SENP7: variants seen among roughly 807,000 people sequenced by gnomAD.
SENP7 encodes the protein sentrin-specific protease 7.
In SENP7, 64 loss-of-function variants were observed where a neutral mutation model predicts 141.2. The ratio of observed to expected loss-of-function variants is 0.45; its 90% CI spans 0.37 to 0.56. The LOEUF (loss-of-function observed/expected upper bound fraction) is 0.56, where lower values mean the gene tolerates loss of function less well. Ranked by LOEUF, SENP7 falls within the 20% of genes least tolerant of loss-of-function variation. SENP7 has a pLI of 0.00. For synonymous variants in SENP7, 382 were observed against 426.4 expected, an observed-to-expected ratio of 0.90 and a Z score of 1.28; for missense variants, 1,025 against 1,212.2, an observed-to-expected ratio of 0.85 and a Z score of 2.29.
intron 6 of SENP7, among the ~76,000 whole-genome samples, chr3:101,376,632 T>C (rs1449261179): frequency 8.8e-5 from 13 of 147,662 alleles, no homozygotes; most frequent in Admixed American, 7.4e-4. Flanking sequence ...TGGGGACTGT[T>C]GTGGGGTGGG....
intron 6 of SENP7, among the ~76,000 whole-genome samples, chr3:101,382,069 G>T (rs1445820883): frequency 6.6e-6 from 1 of 152,166 alleles, no homozygotes; most frequent in Non-Finnish European, 1.5e-5. Flanking sequence ...ATTTAAAATA[G>T]CAATTTGATC....
At chr3:101,449,926 TAA>T (rs1411785105) in intron 4 of SENP7, among the ~76,000 whole-genome samples, 1 of 152,060 alleles carries the variant, frequency 6.6e-6, no homozygotes, top group African/African-American at 2.4e-5. Context: ...GCAAATTGGA[TAA>T]AGAGTCAAGA....
chr3:101,371,743 A>G (rs773692681), intron 7 of SENP7, among the ~76,000 whole-genome samples: 7 of 152,164 alleles, frequency 4.6e-5, no homozygotes, highest in African/African-American at 7.2e-5. Flanking sequence ...CTAAATGAAC[A>G]TAACTTCATA....
At chr3:101,432,564 AC>A (rs1170035680) in intron 4 of SENP7, among the ~76,000 whole-genome samples, 1 of 152,202 alleles carries the variant, frequency 6.6e-6, no homozygotes, top group Admixed American at 6.5e-5. Context: ...GAGTCACTCC[AC>A]CCCCATCTTT....
Position 101,348,011 on chromosome 3 carries a change from A to T in SENP7, c.1698T>A (p.His566Gln). The T allele has an allele frequency of 6.2e-7, 1 of 1,609,166 alleles. No homozygotes were observed. The highest frequency in any genetic ancestry group is 8.5e-7 in the Non-Finnish European group (1 of 1,177,914). Residue 566 changes from histidine to glutamine, a missense_variant, in exon 13 of 24, where the codon CAT becomes CAA. Physicochemically the swap from His to Gln is conservative, Grantham distance 24 (BLOSUM62 0). This residue lies in a region of SENP7 where 228 missense variants were observed against 228.5 expected (regional missense o/e 1.00). Transcript: ENST00000394095. ...TTTTCCATAACCCAAACCGCTTTAA[A>T]TGTGTGGTATCCACTAGCAATGAAA... ...NEISLLVDTT[H>Q]LKRFGLWKSK...
chr3:101,455,356 T>A (rs1265540251), intron 4 of SENP7, among the ~76,000 whole-genome samples: 2 of 152,188 alleles, frequency 1.3e-5, no homozygotes, highest in African/African-American at 4.8e-5. Flanking sequence ...CACAGACTTA[T>A]GAAAATTAAA....
Position 101,399,118 on chromosome 3 carries a change from C to T in SENP7, c.483-63G>A. ...GTTTTCAGTTAAAAAAAAATGTATT[C>T]CAGGAAGGTGAATTTTCAATCATTG... is the stretch of plus-strand genomic sequence containing the variant. On this transcript the variant is annotated intron_variant, in intron 5 of 23. Transcript: ENST00000394095. The T allele has an allele frequency of 3.7e-6, 4 of 1,071,252 alleles. No homozygotes were observed. In the South Asian group the frequency reaches 8.7e-5, roughly 23 times the overall value. 66.4% of individuals were successfully genotyped at this position (1,071,252 alleles called of 1,614,324 possible).
rs756778782 is a variant in SENP7 at position 101,417,770 on chromosome 3, G to A, written c.305C>T (p.Thr102Met). ...TCCTAAATCCGTCCATAGGACATTC[G>A]TCAACATAACTTTGAGTTGCCTGTT... ...SPERQLKVML[T>M]NVLWTDLGRK... The change falls in exon 5 of 24, where the codon ACG becomes ATG. Residue 102 changes from threonine (T) to methionine (M), a missense_variant. Physicochemically the swap from Thr to Met is moderately conservative, Grantham distance 81 (BLOSUM62 -1). Transcript: ENST00000394095. 18 of 1,613,498 alleles carry A rather than the reference G, an allele frequency of 1.1e-5. No individual in the cohort carries two copies. The highest frequency in any genetic ancestry group is 8.9e-5 in the East Asian group (4 of 44,866).
chr3:101,488,505 T>C (rs1332273292), intron 3 of SENP7, among the ~76,000 whole-genome samples: 3 of 152,188 alleles, frequency 2.0e-5, no homozygotes, highest in African/African-American at 4.8e-5. Context: ...GAAAATACAT[T>C]TGAGGATATG....
At position 101,513,192 on chromosome 3, in the gene SENP7, AG is replaced by A; in HGVS notation, c.-63del. 10 of 454,496 alleles carry A rather than the reference AG, an allele frequency of 2.2e-5. No individual in the cohort carries two copies. The highest frequency in any genetic ancestry group is 4.3e-5 in the Non-Finnish European group (10 of 231,398). 28.2% of individuals were successfully genotyped at this position (454,496 alleles called of 1,614,324 possible). On this transcript the variant is annotated 5_prime_UTR_variant, in exon 1 of 24. Transcript: ENST00000394095. ...TCACCTCAGGACCCCTCCGGCTTGG[AG>A]AGGGAGGGGGAGGGGAAAGGAAAAA...
chr3:101,472,281 A>C (rs2064031681), intron 3 of SENP7, among the ~76,000 whole-genome samples: 1 of 152,200 alleles, frequency 6.6e-6, no homozygotes, highest in Non-Finnish European at 1.5e-5. Flanking sequence ...GACTGGATTA[A>C]GAAAATGTGG....
At chr3:101,502,524 G>A (rs1031515268) in intron 1 of SENP7, among the ~76,000 whole-genome samples, 12 of 152,058 alleles carry the variant, frequency 7.9e-5, no homozygotes, top group African/African-American at 2.9e-4. Flanking sequence ...CTGGTCTCCT[G>A]ACCTCAGGTG....
Position 101,347,895 on chromosome 3 carries a change from T to A in SENP7, c.1814A>T (p.Glu605Val). The A allele has an allele frequency of 6.3e-7, 1 of 1,590,214 alleles. No homozygotes were observed. Among genetic ancestry groups the A allele is most frequent in the Non-Finnish European group, 8.6e-7 (1 of 1,165,652 alleles). ...DYLQEIQTQL[E>V]HSVLSQQSKS... Reference sequence around the variant, plus strand: ...ACATTGCTGGCTTAATACAGAGTGTTCTAATTGGGTCTGAATCTCTTGAAG... The same window carrying A: ...ACATTGCTGGCTTAATACAGAGTGTACTAATTGGGTCTGAATCTCTTGAAG... The change falls in exon 13 of 24, where the codon GAA becomes GTA. Residue 605 changes from glutamate (E) to valine (V), a missense_variant. Physicochemically the swap from Glu to Val is moderately radical, Grantham distance 121 (BLOSUM62 -2). Coordinates refer to ENST00000394095, the MANE Select transcript of SENP7 (RefSeq NM_020654.5).
intron 11 of SENP7, among the ~76,000 whole-genome samples, chr3:101,359,966 TC>T (rs1409205049): frequency 1.6e-4 from 24 of 152,156 alleles, no homozygotes; most frequent in African/African-American, 5.8e-4. Flanking sequence ...TATTGGATTT[TC>T]CTTCCCCCGG....
chr3:101,349,144 C>G (rs1367349615), intron 12 of SENP7, among the ~76,000 whole-genome samples: 1 of 152,164 alleles, frequency 6.6e-6, no homozygotes, highest in Non-Finnish European at 1.5e-5. Context: ...GAAAATCTTT[C>G]CATGATGAGT....
intron 3 of SENP7, among the ~76,000 whole-genome samples, chr3:101,490,977 T>A (rs974999473): frequency 6.6e-6 from 1 of 152,112 alleles, no homozygotes; most frequent in Non-Finnish European, 1.5e-5. Flanking sequence ...AATTTAAGTA[T>A]CACTTAACTT....
At chr3:101,444,128 A>C (rs1384658489) in intron 4 of SENP7, among the ~76,000 whole-genome samples, 2 of 134,864 alleles carry the variant, frequency 1.5e-5, no homozygotes, top group Non-Finnish European at 3.2e-5. Context: ...GCAGCCAAAA[A>C]ACACATGAAA....
intron 3 of SENP7, among the ~76,000 whole-genome samples, chr3:101,479,892 CAAAAAA>C (rs1168285268): frequency 6.8e-4 from 5 of 7,346 alleles, no homozygotes; most frequent in African/African-American, 2.4e-3. Context: ...ACAACAGCTA[CAAAAAA>C]AAAAAAAAAA....
chr3:101,350,307 A>G (rs991032346), intron 12 of SENP7, among the ~76,000 whole-genome samples: 2 of 152,168 alleles, frequency 1.3e-5, no homozygotes, highest in Non-Finnish European at 2.9e-5. Flanking sequence ...CATTGTTACT[A>G]ACAGCCAAAC....
Sources: gnomAD v4.1 joint callset for allele counts (sites outside exome capture counted in the v4.1 genomes callset) on GRCh38, gnomAD v4.1.1 for gene constraint, gnomAD v4.1.1 regional missense constraint, MANE v1.5 for transcripts, NCBI Gene and HGNC (gene_info 2026-07-23, HGNC 2026-07-21) for gene names.